The following CD34 variants were observed in gnomAD, a reference collection of about 807,000 sequenced individuals.
CD34 encodes the protein CD34 molecule, also known as hematopoietic progenitor cell antigen CD34.
Under a neutral mutation model 40.1 loss-of-function variants are expected in CD34, and 34 were observed. The ratio of observed to expected loss-of-function variants is 0.85; its 90% CI spans 0.65 to 1.13. The LOEUF (loss-of-function observed/expected upper bound fraction) is 1.13. Among genes scored for constraint, CD34 ranks in the 50% most tolerant of loss-of-function variants. The pLI, the probability that CD34 is intolerant of heterozygous loss-of-function variation, is 0.00. For missense variants in CD34, 426 were observed against 466.9 expected (o/e 0.91, Z 0.81); for synonymous variants, 209 against 190.0 (o/e 1.10, Z -0.82).
chr1:207,889,196 G>A lies in CD34; in HGVS notation c.772C>T (p.Gln258Ter), dbSNP rs761333484. 1.2e-6 allele frequency: 2 copies of A among 1,611,358 alleles called. No homozygotes were observed. Among genetic ancestry groups the A allele is most frequent in the Admixed American group, 3.3e-5 (2 of 60,022 alleles). ...ANRTEISSKL[Q>*]LMKKHQSDLK... ...TCAGATTGGTGCTTTTTCATAAGTTGGAGTTTGCTGGAAATTTCTAGAATT... is the reference window on the plus strand; with the variant it reads ...TCAGATTGGTGCTTTTTCATAAGTTAGAGTTTGCTGGAAATTTCTAGAATT... The change falls in exon 6 of 8, where the codon CAA (glutamine) becomes TAA (stop). Residue 258 changes from glutamine (Q) to a stop codon, truncating the protein, a stop_gained. Coordinates refer to ENST00000310833, the MANE Select transcript of CD34 (RefSeq NM_001025109.2). LOFTEE classifies it high-confidence loss of function.
At chr1:207,908,334 G>T (rs1047714494) in intron 1 of CD34, among the ~76,000 whole-genome samples, 3 of 152,236 alleles carry the variant, frequency 2.0e-5, no homozygotes, top group African/African-American at 7.2e-5. Flanking sequence ...TGCAAAGGTG[G>T]TGCCAACTGG....
chr1:207,883,658 A>T lies in CD34; in HGVS notation c.*4080T>A, dbSNP rs568835878. 1 of 152,344 alleles carries T rather than the reference A, an allele frequency of 6.6e-6. No homozygotes were observed. Among genetic ancestry groups the T allele is most frequent in the Admixed American group, 6.5e-5 (1 of 15,304 alleles). 9.4% of individuals were successfully genotyped at this position (152,344 alleles called of 1,614,324 possible). On this transcript the variant is annotated 3_prime_UTR_variant, in exon 8 of 8. Coordinates refer to ENST00000310833, the MANE Select transcript of CD34 (RefSeq NM_001025109.2). ...CACAGGGTTTCTGTGAATGTTAAGT[A>T]AAATATGCTATTTAAATATTGGCAC...
At chr1:207,900,138 A>G in intron 1 of CD34, 135 bp from the exon 2 acceptor site, 1 of 672,058 alleles carries the variant, frequency 1.5e-6, no homozygotes, top group South Asian at 2.0e-5. Context: ...CAACAAGAAC[A>G]TACTCCTGGA....
chr1:207,908,678 A>C (rs1166174796), intron 1 of CD34, among the ~76,000 whole-genome samples: 2 of 152,106 alleles, frequency 1.3e-5, no homozygotes, highest in African/African-American at 2.4e-5. Context: ...GGGGTTCCCT[A>C]ATTACCTGAA....
intron 4 of CD34, chr1:207,890,461 G>T (rs1662009407): frequency 1.3e-5 from 2 of 154,470 alleles, no homozygotes; most frequent in Admixed American, 1.3e-4. Context: ...AACTGCTGGG[G>T]TGTGTGACCA....
intron 1 of CD34, among the ~76,000 whole-genome samples, chr1:207,905,248 G>T (rs1662351781): frequency 6.6e-6 from 1 of 152,178 alleles, no homozygotes; most frequent in Admixed American, 6.5e-5. Context: ...ACATTCTCCT[G>T]CCTCAGCCTC....
Position 207,899,917 on chromosome 1 carries a change from C to T in CD34, c.166G>A (p.Val56Ile). Residue 56 changes from valine (V) to isoleucine (I), a missense_variant, in exon 2 of 8, where the codon GTA becomes ATA. Transcript: ENST00000310833. ...GGTGTTGTAGTTTCTTGGTAGGATA[C>T]ATTTGTAGAAACATTTGAAAATGTT... ...QGTFSNVSTN[V>I]SYQETTTPST... 1.2e-6 allele frequency: 2 copies of T among 1,613,938 alleles called. No individual in the cohort carries two copies. The highest frequency in any genetic ancestry group is 1.7e-6 in the Non-Finnish European group (2 of 1,179,914).
Position 207,889,544 on chromosome 1 carries a change from C to T in CD34, c.675G>A (p.Gly225=). ...CAAGGAGCAGGGAGCATACCTGGGC[C>T]CCAGCATCAGCATCAGCCTGCTCCT... ...CGEEQADADA[G]AQVCSLLLAQ... Residue 225 remains glycine, a synonymous_variant, in exon 5 of 8, where the codon GGG becomes GGA. Coordinates refer to ENST00000310833, the MANE Select transcript of CD34 (RefSeq NM_001025109.2). The T allele has an allele frequency of 3.1e-6, 5 of 1,614,162 alleles. No homozygotes were observed. Among genetic ancestry groups the T allele is most frequent in the Non-Finnish European group, 4.2e-6 (5 of 1,180,028 alleles).
chr1:207,895,982 G>C (rs2102299821), intron 4 of CD34, among the ~76,000 whole-genome samples: 1 of 152,292 alleles, frequency 6.6e-6, no homozygotes, highest in Admixed American at 6.5e-5. Context: ...GCAAACTCAT[G>C]TCTTCACTAT....
intron 1 of CD34, among the ~76,000 whole-genome samples, chr1:207,910,122 C>A (rs1283331486): frequency 6.6e-6 from 1 of 152,006 alleles, no homozygotes; most frequent in Non-Finnish European, 1.5e-5. Flanking sequence ...TTACCGGGTG[C>A]CTATTTTTTT....
Position 207,887,748 on chromosome 1 carries a change from G to T in CD34, c.1148C>A (p.Thr383Asn). Residue 383 changes from threonine (T) to asparagine (N), a missense_variant, in exon 8 of 8, where the codon ACC becomes AAC. By Grantham distance (65) the Thr-to-Asn change is moderately conservative (BLOSUM62 0). Coordinates refer to ENST00000310833, the MANE Select transcript of CD34 (RefSeq NM_001025109.2). ...HSARQHVVAD[T>N]EL ...CCCCACCTAGCCGAGTCACAATTCG[G>T]TATCAGCCACCACGTGTTGTCTTGC... 1 of 1,614,128 alleles carries T rather than the reference G, an allele frequency of 6.2e-7. No homozygotes were observed. The highest frequency in any genetic ancestry group is 2.2e-5 in the East Asian group (1 of 44,886).
intron 1 of CD34, among the ~76,000 whole-genome samples, chr1:207,902,650 C>A (rs1205284654): frequency 6.6e-6 from 1 of 152,238 alleles, no homozygotes; most frequent in Non-Finnish European, 1.5e-5. Flanking sequence ...TCCACCCTGG[C>A]CCAGCCCTTT....
Position 207,885,295 on chromosome 1 carries a change from T to C in CD34, c.*2443A>G, listed in dbSNP as rs1661880336. The C allele has an allele frequency of 6.6e-6, 1 of 152,066 alleles. No individual in the cohort carries two copies. The highest frequency in any genetic ancestry group is 6.6e-5 in the Admixed American group (1 of 15,252). 9.4% of individuals were successfully genotyped at this position (152,066 alleles called of 1,614,324 possible). A position where few individuals can be genotyped will look rare whatever the true frequency, so the allele number is the denominator to read the frequency against. Reference sequence around the variant, plus strand: ...GACGCTCAGGCCCACGGTGGGAAAGTTGGATTTTTCCAGAAAGCAGGCAAA... The same window carrying C: ...GACGCTCAGGCCCACGGTGGGAAAGCTGGATTTTTCCAGAAAGCAGGCAAA... On this transcript the variant is annotated 3_prime_UTR_variant, in exon 8 of 8. Transcript: ENST00000310833.
At position 207,885,160 on chromosome 1, in the gene CD34, G is replaced by A. The variant is rs1661877254; in HGVS notation, c.*2578C>T. 6.6e-6 allele frequency: 1 copy of A among 152,230 alleles called. No homozygotes were observed. Among genetic ancestry groups the A allele is most frequent in the Admixed American group, 6.5e-5 (1 of 15,274 alleles). 9.4% of individuals were successfully genotyped at this position (152,230 alleles called of 1,614,324 possible). On this transcript the variant is annotated 3_prime_UTR_variant, in exon 8 of 8. Transcript: ENST00000310833. Reference sequence around the variant, plus strand: ...TGAGCTTTGTGTACAAGAGAAATTGGACTAGAGGGTGGGGCAGCCAGGGAG... The same window carrying A: ...TGAGCTTTGTGTACAAGAGAAATTGAACTAGAGGGTGGGGCAGCCAGGGAG...
At position 207,887,927 on chromosome 1, in the gene CD34, G is replaced by T. The variant is rs779111749; in HGVS notation, c.973-4C>A. On this transcript the variant is annotated splice_region_variant and splice_polypyrimidine_tract_variant and intron_variant, in intron 7 of 7. Transcript: ENST00000310833. ...CCGTGTAATAAGGGTCTTCGCCCTA[G>T]ACAGTGTATAAATAAAGTAGCATTA... 3.1e-6 allele frequency: 5 copies of T among 1,611,342 alleles called. No individual in the cohort carries two copies. The highest frequency in any genetic ancestry group is 1.7e-4 in the Middle Eastern group (1 of 6,058).
intron 1 of CD34, among the ~76,000 whole-genome samples, chr1:207,906,793 G>A (rs1233658736): frequency 6.6e-6 from 1 of 151,778 alleles, no homozygotes; most frequent in Non-Finnish European, 1.5e-5. Context: ...GCGGTGATCC[G>A]AGATCACACC....
At chr1:207,907,617 G>A (rs1167316861) in intron 1 of CD34, among the ~76,000 whole-genome samples, 2 of 152,206 alleles carry the variant, frequency 1.3e-5, no homozygotes, top group African/African-American at 4.8e-5. Flanking sequence ...TGCATCTGAA[G>A]GGAAGTAACT....
intron 2 of CD34, 38 bp from the exon 3 acceptor site, chr1:207,899,264 G>A: frequency 1.9e-6 from 3 of 1,606,986 alleles, no homozygotes; most frequent in East Asian, 4.5e-5. Flanking sequence ...ATGTGTGCAT[G>A]TGCTCATAGA....
At chr1:207,898,518 G>GC (rs1662197895) in intron 3 of CD34, among the ~76,000 whole-genome samples, 1 of 152,152 alleles carries the variant, frequency 6.6e-6, no homozygotes, top group Non-Finnish European at 1.5e-5. Flanking sequence ...CATTGCCAAT[G>GC]CCCCCCTTTA....
Sources: allele counts gnomAD v4.1 joint callset (sites outside exome capture counted in the v4.1 genomes callset), GRCh38; gene constraint gnomAD v4.1.1; transcripts MANE v1.5; gene names NCBI Gene and HGNC (gene_info 2026-07-23, HGNC 2026-07-21).